Variants in GNA12 observed in about 807,000 individuals in gnomAD.
The protein encoded by GNA12 is G protein subunit alpha 12.
In GNA12, 9 loss-of-function variants were observed where a neutral mutation model predicts 26.0. That is an observed-to-expected ratio of 0.35 (90% CI 0.21 to 0.60). The LOEUF is 0.60. GNA12 is among the 20% of genes least tolerant of loss of function. The probability of loss-of-function intolerance (pLI) is 0.78; values close to 1 mark genes in which losing one functional copy is unlikely to be tolerated. For missense variants in GNA12, 405 were observed against 525.8 expected (o/e 0.77, Z 2.25); for synonymous variants, 264 against 219.6 (o/e 1.20, Z -1.79).
intron 1 of GNA12, among the ~76,000 whole-genome samples, chr7:2,840,772 C>A (rs1023765232): frequency 6.6e-6 from 1 of 152,082 alleles, no homozygotes; most frequent in Non-Finnish European, 1.5e-5. Context: ...ATTGCTTGAG[C>A]CCACGAGGCG....
rs538907461 is a variant in GNA12, at chr7:2,734,439, T to C, written c.526-938A>G. Among the ~76,000 whole-genome samples, 46 of 152,320 alleles carry C rather than the reference T, an allele frequency of 3.0e-4. No homozygotes were observed. The South Asian group carries it at 8.9e-3, about 30-fold the overall frequency. On this transcript the variant is annotated intron_variant, in intron 2 of 3. Transcript: ENST00000275364. ...CAGGGCTTGTGGGAAGAGCAGTCACTTTCTGTGTTCTCATGGAAATGTACA... is the reference window on the plus strand; with the variant it reads ...CAGGGCTTGTGGGAAGAGCAGTCACCTTCTGTGTTCTCATGGAAATGTACA...
At chr7:2,839,311 G>A (rs914813603) in intron 1 of GNA12, among the ~76,000 whole-genome samples, 4 of 152,086 alleles carry the variant, frequency 2.6e-5, no homozygotes, top group Non-Finnish European at 5.9e-5. Context: ...TTGGCTCACT[G>A]CAACCTTTGC....
chr7:2,842,877 T>C (rs1779039290), intron 1 of GNA12, among the ~76,000 whole-genome samples: 1 of 152,228 alleles, frequency 6.6e-6, no homozygotes, highest in East Asian at 1.9e-4. Flanking sequence ...TTGGATTTGC[T>C]TGGAGACCAT....
chr7:2,815,953 G>C (rs904427896), intron 1 of GNA12, among the ~76,000 whole-genome samples: 13 of 152,222 alleles, frequency 8.5e-5, no homozygotes, highest in African/African-American at 2.7e-4. Context: ...CTTTCCATGA[G>C]AAGCAATGGT....
chr7:2,767,868 A>G (rs1399486320), intron 2 of GNA12, among the ~76,000 whole-genome samples: 1 of 152,072 alleles, frequency 6.6e-6, no homozygotes, highest in African/African-American at 2.4e-5. Context: ...ATTTTATTTT[A>G]GTTTTTGAGA....
chr7:2,734,367 GAC>G (rs1195720948), intron 2 of GNA12, among the ~76,000 whole-genome samples: 1 of 152,206 alleles, frequency 6.6e-6, no homozygotes, highest in Non-Finnish European at 1.5e-5. Context: ...CTGCTCTAAA[GAC>G]AGACACCAGC....
In GNA12 at chr7:2,731,283, G is replaced by C. The variant is rs1158817269; in HGVS notation, c.1044C>G (p.His348Gln). 1.2e-6 allele frequency: 2 copies of C among 1,612,526 alleles called. No individual in the cohort carries two copies. Among genetic ancestry groups the C allele is most frequent in the African/African-American group, 1.3e-5 (1 of 74,390 alleles). The change falls in exon 4 of 4, where the codon CAC becomes CAG. Residue 348 changes from histidine to glutamine, a missense_variant. Physicochemically the swap from His to Gln is conservative, Grantham distance 24. Transcript: ENST00000275364. This position sits in a 1 kb window ranked among gnomAD's most constrained non-coding sequence, Gnocchi z 6.0. Reference protein sequence around the residue: ...KRRNRSKPLFHHFTTAIDTEN... With the variant: ...KRRNRSKPLFQHFTTAIDTEN... ...CGGTGTCGATGGCGGTGGTGAAGTG[G>C]TGGAAGAGTGGCTTGCTGCGGTTCC...
intron 1 of GNA12, among the ~76,000 whole-genome samples, chr7:2,838,355 G>A (rs772808713): frequency 2.6e-5 from 4 of 151,532 alleles, no homozygotes; most frequent in Non-Finnish European, 4.4e-5. Context: ...GCAGGAGGAT[G>A]GCTTTGAGGC....
At chr7:2,790,609 T>G (rs3846992) in intron 2 of GNA12, among the ~76,000 whole-genome samples, 87,869 of 151,894 alleles carry the variant, frequency 0.58, 25,626 homozygotes, top group Admixed American at 0.63. Flanking sequence ...CAGGTCAGGA[T>G]CCACACACCA....
intron 1 of GNA12, among the ~76,000 whole-genome samples, chr7:2,801,970 G>A (rs1792819781): frequency 1.3e-5 from 2 of 152,046 alleles, no homozygotes. Context: ...ATATAGAATT[G>A]CTAAAGTCTT....
chr7:2,814,697 C>A (rs1401522422), intron 1 of GNA12, among the ~76,000 whole-genome samples: 1 of 150,966 alleles, frequency 6.6e-6, no homozygotes, highest in Non-Finnish European at 1.5e-5. Flanking sequence ...AAAGGCTGGA[C>A]CAGTCACCGT....
rs71026559 is a variant in GNA12 at position 2,795,816 on chromosome 7, CTTTTTT to C, written c.310-679_310-674del. Among the ~76,000 whole-genome samples, 202 of 137,894 alleles carry C rather than the reference CTTTTTT, an allele frequency of 1.5e-3. 3 individuals are homozygous for C. Among genetic ancestry groups the C allele is most frequent in the African/African-American group, 5.0e-3 (184 of 37,032 alleles). 90.5% of individuals were successfully genotyped at this position (137,894 alleles called of 152,430 possible). The stretch of plus-strand genomic sequence containing the variant: ...ATGAAGTGTATCAGTAAAAAAACAA[CTTTTTT>C]TTTTTTTTTTTTCTTAGATGGAGTT... On this transcript the variant is annotated intron_variant, in intron 1 of 3. Transcript: ENST00000275364.
intron 2 of GNA12, among the ~76,000 whole-genome samples, chr7:2,780,506 G>A (rs979071439): frequency 2.0e-5 from 3 of 152,056 alleles, no homozygotes; most frequent in African/African-American, 4.8e-5. Context: ...CAAAACACTC[G>A]CTCTGTCTTC....
chr7:2,761,531 C>A (rs1051546506), intron 2 of GNA12, among the ~76,000 whole-genome samples: 5 of 152,208 alleles, frequency 3.3e-5, no homozygotes, highest in African/African-American at 1.2e-4. Flanking sequence ...AGAGCTGGAA[C>A]GGACAGCATC....
Position 2,731,204 on chromosome 7 carries a change from G to A in GNA12, c.1123C>T (p.Leu375=), listed in dbSNP as rs775157193. 1.9e-6 allele frequency: 3 copies of A among 1,612,236 alleles called. No individual in the cohort carries two copies. The highest frequency in any genetic ancestry group is 2.5e-6 in the Non-Finnish European group (3 of 1,178,992). Residue 375 remains leucine (L), a synonymous_variant, in exon 4 of 4, where the codon CTG becomes TTG. Transcript: ENST00000275364. This position sits in a 1 kb window ranked among gnomAD's most constrained non-coding sequence, Gnocchi z 6.0. ...GCTCACTGCAGCATGATGTCCTTCAGGTTCTCCTGCAGGATGGTGTCTTTC... is the reference window on the plus strand; with the variant it reads ...GCTCACTGCAGCATGATGTCCTTCAAGTTCTCCTGCAGGATGGTGTCTTTC... ...AVKDTILQEN[L]KDIMLQ is the part of the protein sequence containing the mutation.
Position 2,733,473 on chromosome 7 carries a change from T to C in GNA12, c.554A>G (p.Asn185Ser), listed in dbSNP as rs1021817793. Residue 185 changes from asparagine to serine, a missense_variant, in exon 3 of 4, where the codon AAC becomes AGC. Physicochemically the swap from Asn to Ser is conservative, Grantham distance 46 (BLOSUM62 1). Coordinates refer to ENST00000275364, the MANE Select transcript of GNA12 (RefSeq NM_007353.3). ...LGESVKYFLD[N>S]LDRIGQLNYF... ...CACCAGCTGGCCGATCCGGTCCAAGTTGTCCAGGAAGTACTTCACCGACTC... is the reference window on the plus strand; with the variant it reads ...CACCAGCTGGCCGATCCGGTCCAAGCTGTCCAGGAAGTACTTCACCGACTC... 1.2e-6 allele frequency: 2 copies of C among 1,614,008 alleles called. No homozygotes were observed. Among genetic ancestry groups the C allele is most frequent in the Non-Finnish European group, 8.5e-7 (1 of 1,179,912 alleles).
At chr7:2,746,241 C>T (rs1302998889) in intron 2 of GNA12, among the ~76,000 whole-genome samples, 1 of 152,148 alleles carries the variant, frequency 6.6e-6, no homozygotes, top group African/African-American at 2.4e-5. Flanking sequence ...CACACCACAC[C>T]TATTCCAAAA....
intron 1 of GNA12, among the ~76,000 whole-genome samples, chr7:2,818,666 G>A (rs148572739): frequency 2.0e-5 from 3 of 152,004 alleles, no homozygotes; most frequent in Non-Finnish European, 4.4e-5. Flanking sequence ...AAGTGGCTGA[G>A]GCATGAGAAT....
intron 2 of GNA12, among the ~76,000 whole-genome samples, chr7:2,768,609 C>T (rs1366417940): frequency 6.9e-6 from 1 of 144,884 alleles, no homozygotes; most frequent in Admixed American, 7.1e-5. Context: ...CAGTTACGTA[C>T]ATTTAGAAAA....
Sources: gnomAD v4.1 joint callset for allele counts (sites outside exome capture counted in the v4.1 genomes callset) on GRCh38, gnomAD v4.1.1 for gene constraint, Gnocchi (gnomAD v3.1) non-coding constraint, MANE v1.5 for transcripts, NCBI Gene and HGNC (gene_info 2026-07-23, HGNC 2026-07-21) for gene names.